PAX5: variants seen among roughly 807,000 people sequenced by gnomAD.
PAX5 encodes the protein paired box protein Pax-5.
In PAX5, 9 loss-of-function variants were observed where a neutral mutation model predicts 43.7. The ratio of observed to expected loss-of-function variants is 0.21; its 90% CI spans 0.12 to 0.36. PAX5 has a LOEUF of 0.36. Among genes scored for constraint, PAX5 ranks in the 10% least tolerant of loss-of-function variants. The probability of loss-of-function intolerance (pLI) is 1.00; values close to 1 mark genes in which losing one functional copy is unlikely to be tolerated. For missense variants in PAX5, 383 were observed against 532.7 expected, an observed-to-expected ratio of 0.72 and a Z score of 2.77; for synonymous variants, 228 against 214.3, an observed-to-expected ratio of 1.06 and a Z score of -0.56.
At chr9:36,883,444 G>C (rs1013596772) in intron 7 of PAX5, among the ~76,000 whole-genome samples, 1 of 152,136 alleles carries the variant, frequency 6.6e-6, no homozygotes, top group African/African-American at 2.4e-5. Context: ...CACTTTGAAA[G>C]GCTGAGGTCA....
intron 6 of PAX5, among the ~76,000 whole-genome samples, chr9:36,958,299 G>GA (rs3073719): frequency 0.17 from 25,463 of 151,014 alleles, 2,332 homozygotes; most frequent in Non-Finnish European, 0.19. Flanking sequence ...TAAATGTCAG[G>GA]AAAAAAAAAT....
At chr9:37,023,721 A>T (rs944062) in intron 1 of PAX5, among the ~76,000 whole-genome samples, 150,659 of 152,166 alleles carry the variant, frequency 0.99, 74,607 homozygotes, top group East Asian at 1. Flanking sequence ...GGGGAAAGGG[A>T]CTTTGCTGAC....
At chr9:36,927,562 G>A (rs774500979) in intron 6 of PAX5, among the ~76,000 whole-genome samples, 10 of 152,128 alleles carry the variant, frequency 6.6e-5, no homozygotes, top group Non-Finnish European at 1.3e-4. Context: ...TACATGCAGC[G>A]GGAGGTCCGA....
At chr9:36,939,085 C>G (rs1183934647) in intron 6 of PAX5, among the ~76,000 whole-genome samples, 1 of 152,252 alleles carries the variant, frequency 6.6e-6, no homozygotes, top group Non-Finnish European at 1.5e-5. Context: ...GCAGCGGCCC[C>G]TTCCTGTGTC....
chr9:36,874,128 A>T (rs1458719347), intron 8 of PAX5, among the ~76,000 whole-genome samples: 3 of 151,982 alleles, frequency 2.0e-5, no homozygotes, highest in Admixed American at 6.6e-5. Context: ...GAACCTCAAT[A>T]CCCTTCCTAT....
At position 36,834,620 on chromosome 9, in the gene PAX5, A is replaced by G. The variant is rs1821514600; in HGVS notation, c.*5940T>C. On this transcript the variant is annotated 3_prime_UTR_variant, in exon 10 of 10. Transcript: ENST00000358127. ...TCAACTCTCCATTTCCTCAAATACA[A>G]TAAAATAGTTTCATTAAAATGTATT... is the stretch of plus-strand genomic sequence containing the variant. 4.3e-6 allele frequency: 1 copy of G among 233,282 alleles called. No individual in the cohort carries two copies. The highest frequency in any genetic ancestry group is 8.5e-6 in the Non-Finnish European group (1 of 118,048). 14.5% of individuals were successfully genotyped at this position (233,282 alleles called of 1,614,324 possible). A position where few individuals can be genotyped will look rare whatever the true frequency, so the allele number is the denominator to read the frequency against.
At chr9:37,033,190 A>G (rs918609620) in intron 1 of PAX5, among the ~76,000 whole-genome samples, 3 of 152,238 alleles carry the variant, frequency 2.0e-5, no homozygotes. Flanking sequence ...TGCTCACTGC[A>G]CACCAAGAGG....
intron 8 of PAX5, among the ~76,000 whole-genome samples, chr9:36,878,246 A>G (rs1826097945): frequency 6.6e-6 from 1 of 152,242 alleles, no homozygotes; most frequent in Admixed American, 6.5e-5. Flanking sequence ...ACACAGGTCC[A>G]TATAATTTCC....
At chr9:37,031,276 G>T (rs1335548023) in intron 1 of PAX5, among the ~76,000 whole-genome samples, 8 of 152,190 alleles carry the variant, frequency 5.3e-5, no homozygotes, top group Non-Finnish European at 1.5e-5. Context: ...CTTGAGACAG[G>T]CAGCCCCTTC....
intron 6 of PAX5, among the ~76,000 whole-genome samples, chr9:36,930,572 G>A (rs1285340805): frequency 6.6e-6 from 1 of 152,064 alleles, no homozygotes; most frequent in African/African-American, 2.4e-5. Flanking sequence ...TGACCCAGTG[G>A]GGGAAAAAAG....
intron 7 of PAX5, among the ~76,000 whole-genome samples, chr9:36,898,182 G>C (rs530273689): frequency 6.6e-5 from 10 of 152,176 alleles, no homozygotes; most frequent in Non-Finnish European, 1.3e-4. Context: ...AGAAAAGAAA[G>C]AAAATAGAAC....
intron 6 of PAX5, among the ~76,000 whole-genome samples, chr9:36,933,007 TAGTC>T (rs1165770254): frequency 6.6e-6 from 1 of 151,396 alleles, no homozygotes; most frequent in Non-Finnish European, 1.5e-5. Flanking sequence ...AATACAAAAA[TAGTC>T]AGGCTGTGGT....
intron 1 of PAX5, among the ~76,000 whole-genome samples, chr9:37,029,388 C>A (rs1402761550): frequency 6.6e-6 from 1 of 152,250 alleles, no homozygotes; most frequent in Non-Finnish European, 1.5e-5. Flanking sequence ...CCCGTCCCCA[C>A]CCCCCACCAG....
At chr9:36,954,751 T>G (rs906018092) in intron 6 of PAX5, among the ~76,000 whole-genome samples, 1 of 152,238 alleles carries the variant, frequency 6.6e-6, no homozygotes, top group Non-Finnish European at 1.5e-5. Flanking sequence ...ACATGTTTCT[T>G]GCAACAGTTT....
At chr9:36,901,261 T>G (rs1314445471) in intron 7 of PAX5, among the ~76,000 whole-genome samples, 1 of 152,002 alleles carries the variant, frequency 6.6e-6, no homozygotes, top group Non-Finnish European at 1.5e-5. Flanking sequence ...TCTTCACTCA[T>G]CCTTTATCAT....
intron 6 of PAX5, among the ~76,000 whole-genome samples, chr9:36,941,678 C>T (rs1369481012): frequency 1.3e-5 from 2 of 152,056 alleles, no homozygotes; most frequent in East Asian, 3.9e-4. Flanking sequence ...GGCCTGTACC[C>T]ACCTCAAGGC....
chr9:36,875,560 G>A (rs562902415), intron 8 of PAX5, among the ~76,000 whole-genome samples: 1 of 152,226 alleles, frequency 6.6e-6, no homozygotes, highest in East Asian at 1.9e-4. Flanking sequence ...CCCCAAAAAT[G>A]TCCATATCAT....
intron 9 of PAX5, among the ~76,000 whole-genome samples, chr9:36,844,172 C>A (rs1482651747): frequency 6.6e-6 from 1 of 152,230 alleles, no homozygotes; most frequent in Non-Finnish European, 1.5e-5. Flanking sequence ...ACACACAGGT[C>A]TGAGTATTCA....
chr9:37,027,539 A>T (rs1329571), intron 1 of PAX5, among the ~76,000 whole-genome samples: 70,443 of 152,114 alleles, frequency 0.46, 17,128 homozygotes, highest in African/African-American at 0.58. Context: ...AGAGGGTCCC[A>T]GCCACCAAGG....
Sources: allele counts gnomAD v4.1 joint callset (sites outside exome capture counted in the v4.1 genomes callset), GRCh38; gene constraint gnomAD v4.1.1; transcripts MANE v1.5; gene names NCBI Gene and HGNC (gene_info 2026-07-23, HGNC 2026-07-21).